Variants in CNTN4 observed in about 807,000 individuals in gnomAD.
CNTN4 encodes contactin 4, also known as contactin-4.
Under a neutral mutation model 122.5 loss-of-function variants are expected in CNTN4, and 77 were observed. The observed-to-expected ratio is 0.63, with a 90% CI of 0.52 to 0.76. CNTN4 has a LOEUF of 0.76. Among genes scored for constraint, CNTN4 ranks in the 30% least tolerant of loss-of-function variants. The pLI is 0.00. For synonymous variants in CNTN4, 512 were observed against 447.0 expected, an observed-to-expected ratio of 1.15 and a Z score of -1.83; for missense variants, 1,256 against 1,259.1, an observed-to-expected ratio of 1.00 and a Z score of 0.04.
intron 12 of CNTN4, among the ~76,000 whole-genome samples, 197 bp from the exon 13 acceptor site, chr3:2,925,432 A>G (rs992319263): frequency 6.6e-6 from 1 of 152,160 alleles, no homozygotes; most frequent in Non-Finnish European, 1.5e-5. Flanking sequence ...GCGTGCCTGT[A>G]GTCCCAGCTA....
At chr3:2,912,473 A>T (rs187429596) in intron 12 of CNTN4, among the ~76,000 whole-genome samples, 203 of 152,320 alleles carry the variant, frequency 1.3e-3, no homozygotes, top group African/African-American at 4.7e-3. Context: ...ATGATAAACA[A>T]CACAAAACTA....
intron 3 of CNTN4, among the ~76,000 whole-genome samples, chr3:2,413,750 G>A (rs964691222): frequency 6.6e-6 from 1 of 152,048 alleles, no homozygotes; most frequent in Non-Finnish European, 1.5e-5. Flanking sequence ...CACCATGTTG[G>A]CCAGGCTTTG....
chr3:2,650,759 T>C (rs2083324168), intron 4 of CNTN4, among the ~76,000 whole-genome samples: 1 of 152,236 alleles, frequency 6.6e-6, no homozygotes, highest in Non-Finnish European at 1.5e-5. Context: ...TTTTAAGTTA[T>C]GTACATTGTG....
chr3:2,649,640 G>A (rs575894725), intron 4 of CNTN4, among the ~76,000 whole-genome samples: 3 of 152,276 alleles, frequency 2.0e-5, no homozygotes, highest in South Asian at 4.1e-4. Context: ...ATTAGGAGAT[G>A]TATATTGTTA....
At chr3:3,016,757 C>T (rs1697796180) in intron 14 of CNTN4, among the ~76,000 whole-genome samples, 2 of 152,130 alleles carry the variant, frequency 1.3e-5, no homozygotes, top group South Asian at 4.1e-4. Flanking sequence ...ACTTGGCCAC[C>T]CTCAATTGGC....
intron 6 of CNTN4, among the ~76,000 whole-genome samples, chr3:2,799,168 G>A (rs2675321): frequency 0.61 from 92,641 of 151,922 alleles, 28,435 homozygotes; most frequent in South Asian, 0.75. Context: ...TGTGTCCTTT[G>A]CCTTTTAGTA....
In CNTN4 at chr3:2,588,952, A is replaced by G. The variant is rs370352924; in HGVS notation, c.55+17394A>G. ...GTGTATTTTAACTCATGTACTAGGT[A>G]AAAGTTGATGTAAATCAATTTGGGG... On this transcript the variant is annotated intron_variant, in intron 4 of 24. Transcript: ENST00000418658. 3.3e-5 allele frequency among the ~76,000 whole-genome samples: 5 copies of G among 152,198 alleles called. No homozygotes were observed. In the East Asian group the frequency reaches 7.7e-4, roughly 23 times the overall value.
chr3:2,249,345 T>G (rs1320889123), intron 2 of CNTN4, among the ~76,000 whole-genome samples: 9 of 151,940 alleles, frequency 5.9e-5, no homozygotes, highest in Non-Finnish European at 1.2e-4. Flanking sequence ...ATACAAGGTC[T>G]ACTGCAGTCA....
intron 3 of CNTN4, among the ~76,000 whole-genome samples, chr3:2,558,663 T>G (rs1216898668): frequency 6.6e-6 from 1 of 152,172 alleles, no homozygotes; most frequent in Non-Finnish European, 1.5e-5. Flanking sequence ...TTTTCCCACA[T>G]TAGCTTTAGA....
At chr3:2,595,314 A>G (rs1295249866) in intron 4 of CNTN4, among the ~76,000 whole-genome samples, 3 of 152,232 alleles carry the variant, frequency 2.0e-5, no homozygotes, top group African/African-American at 7.2e-5. Flanking sequence ...GTTAGATCCC[A>G]TCTGAGTCTG....
At chr3:2,710,694 T>G (rs2087092055) in intron 4 of CNTN4, among the ~76,000 whole-genome samples, 1 of 152,212 alleles carries the variant, frequency 6.6e-6, no homozygotes, top group Non-Finnish European at 1.5e-5. Context: ...AATGCTTCAC[T>G]TCTTTTATCT....
At chr3:2,531,778 C>G (rs575076984) in intron 3 of CNTN4, among the ~76,000 whole-genome samples, 1 of 152,190 alleles carries the variant, frequency 6.6e-6, no homozygotes, top group Non-Finnish European at 1.5e-5. Context: ...GATGAATGCT[C>G]TTGAGAGGCT....
intron 2 of CNTN4, among the ~76,000 whole-genome samples, chr3:2,112,958 C>T (rs572495313): frequency 6.6e-6 from 1 of 152,188 alleles, no homozygotes; most frequent in Admixed American, 6.5e-5. Flanking sequence ...CAAGATGCAC[C>T]CTCTACTATA....
intron 3 of CNTN4, among the ~76,000 whole-genome samples, chr3:2,346,769 C>T (rs902688546): frequency 6.6e-6 from 1 of 152,118 alleles, no homozygotes; most frequent in African/African-American, 2.4e-5. Context: ...ATATTTCTTA[C>T]ATTTGGAGTT....
chr3:2,781,996 T>G (rs564183568), intron 6 of CNTN4, among the ~76,000 whole-genome samples: 3 of 151,842 alleles, frequency 2.0e-5, no homozygotes, highest in Non-Finnish European at 4.4e-5. Context: ...GTGCTGAGAT[T>G]ACAGGCATGA....
intron 3 of CNTN4, among the ~76,000 whole-genome samples, chr3:2,555,043 A>T (rs962826070): frequency 2.0e-5 from 3 of 152,214 alleles, no homozygotes; most frequent in Non-Finnish European, 2.9e-5. Context: ...AGTTCCCCAG[A>T]ACACATGTGA....
At chr3:2,828,867 A>AGCT (rs1425396938) in intron 7 of CNTN4, among the ~76,000 whole-genome samples, 1 of 152,050 alleles carries the variant, frequency 6.6e-6, no homozygotes, top group African/African-American at 2.4e-5. Context: ...CCTCTTGAGT[A>AGCT]GCTAGTACTG....
chr3:3,034,834 A>G, intron 17 of CNTN4, 44 bp downstream of exon 17: 1 of 1,598,660 alleles, frequency 6.3e-7, no homozygotes, highest in Non-Finnish European at 8.6e-7. Context: ...GGAACTCAGC[A>G]TACTGGACAC....
chr3:2,889,403 T>C (rs1015938008), intron 10 of CNTN4, among the ~76,000 whole-genome samples: 1 of 152,208 alleles, frequency 6.6e-6, no homozygotes, highest in African/African-American at 2.4e-5. Context: ...TATTTAATCT[T>C]TGCTTTCCTC....
Sources: allele counts gnomAD v4.1 joint callset (sites outside exome capture counted in the v4.1 genomes callset), GRCh38; gene constraint gnomAD v4.1.1; transcripts MANE v1.5; gene names NCBI Gene and HGNC (gene_info 2026-07-23, HGNC 2026-07-21).